Variants in DGCR2 observed in about 807,000 individuals in gnomAD.
DGCR2 encodes integral membrane protein DGCR2/IDD.
Under a neutral mutation model 51.6 loss-of-function variants are expected in DGCR2, and 24 were observed. The observed-to-expected ratio is 0.47, with a 90% CI of 0.34 to 0.65. The LOEUF is 0.65. DGCR2 is among the 30% of genes least tolerant of loss of function. The probability of loss-of-function intolerance (pLI) is 0.01; values close to 1 mark genes in which losing one functional copy is unlikely to be tolerated. For synonymous variants in DGCR2, 340 were observed against 315.4 expected (o/e 1.08, Z -0.82); for missense variants, 765 against 772.1 (o/e 0.99, Z 0.11).
Position 19,064,892 on chromosome 22 carries a change from T to C in DGCR2, c.504A>G (p.Glu168=). 6.2e-7 allele frequency: 1 copy of C among 1,613,946 alleles called. No homozygotes were observed. ...DQELRFVLAQ[E]WDQPERSFGW... is the part of the protein sequence containing the mutation. The stretch of plus-strand genomic sequence containing the variant: ...CAAAGCTCCGCTCGGGCTGGTCCCA[T>C]TCCTGGGCCAGGACAAAGCGCAGCT... The change falls in exon 4 of 10, where the codon GAA becomes GAG. Residue 168 remains glutamate (E), a synonymous_variant. Transcript: ENST00000263196.
At chr22:19,101,875 T>C (rs1375573734) in intron 1 of DGCR2, among the ~76,000 whole-genome samples, 1 of 151,446 alleles carries the variant, frequency 6.6e-6, no homozygotes, top group Non-Finnish European at 1.5e-5. Flanking sequence ...GCCAACATAG[T>C]GAAACTCCGT....
chr22:19,058,126 A>C (rs1200138924), intron 5 of DGCR2, among the ~76,000 whole-genome samples: 1 of 152,106 alleles, frequency 6.6e-6, no homozygotes, highest in Non-Finnish European at 1.5e-5. Context: ...CTCTGTTTAT[A>C]CCCAGCACGA....
chr22:19,037,850 A>C lies in DGCR2; in HGVS notation c.*1015T>G, dbSNP rs2082387816. ...GGAGGTGTGCATGCGGCCGCTGGGC[A>C]CTGAGCTGCAGTAGTGGCGGTGATG... On this transcript the variant is annotated 3_prime_UTR_variant, in exon 10 of 10. Coordinates refer to ENST00000263196, the MANE Select transcript of DGCR2 (RefSeq NM_005137.3). 1 of 152,630 alleles carries C rather than the reference A, an allele frequency of 6.6e-6. No homozygotes were observed. Among genetic ancestry groups the C allele is most frequent in the South Asian group, 2.1e-4 (1 of 4,830 alleles). 9.5% of individuals were successfully genotyped at this position (152,630 alleles called of 1,614,324 possible).
At chr22:19,064,797 T>A (rs1460048994) in intron 4 of DGCR2, 51 bp downstream of exon 4, 1 of 1,540,466 alleles carries the variant, frequency 6.5e-7, no homozygotes, top group East Asian at 2.3e-5. Flanking sequence ...ATGTGCTCAG[T>A]AGTCATCAGA....
chr22:19,095,677 AC>A (rs370239001), intron 1 of DGCR2, among the ~76,000 whole-genome samples: 2,148 of 150,854 alleles, frequency 0.014, 46 homozygotes, highest in African/African-American at 0.049. Context: ...AAAAAAAAAA[AC>A]AACTCAAATT....
At chr22:19,046,408 T>G (rs1601507098) in intron 7 of DGCR2, 1 of 153,170 alleles carries the variant, frequency 6.5e-6, no homozygotes, top group African/African-American at 2.4e-5. Flanking sequence ...TTAGTTCTAA[T>G]AACTTTCCTG....
intron 7 of DGCR2, among the ~76,000 whole-genome samples, chr22:19,042,478 A>T (rs756560931): frequency 6.6e-6 from 1 of 152,230 alleles, no homozygotes; most frequent in Non-Finnish European, 1.5e-5. Context: ...GCGGTGAGGG[A>T]CAGCCCTTTC....
intron 2 of DGCR2, among the ~76,000 whole-genome samples, chr22:19,087,711 G>A (rs150373928): frequency 4.5e-4 from 65 of 145,652 alleles, no homozygotes; most frequent in African/African-American, 1.6e-3. Context: ...TTGAGACAGA[G>A]TCTTGTTCTG....
At chr22:19,118,781 T>C (rs1291836169) in intron 1 of DGCR2, among the ~76,000 whole-genome samples, 2 of 152,238 alleles carry the variant, frequency 1.3e-5, no homozygotes, top group Non-Finnish European at 2.9e-5. Flanking sequence ...TGGCTCATGA[T>C]ATAATTTTGT....
Position 19,039,074 on chromosome 22 carries a change from C to A in DGCR2, c.1444G>T (p.Asp482Tyr). 6.2e-7 allele frequency: 1 copy of A among 1,613,280 alleles called. No homozygotes were observed. The highest frequency in any genetic ancestry group is 8.5e-7 in the Non-Finnish European group (1 of 1,180,012). The change falls in exon 10 of 10, where the codon GAT becomes TAT. Residue 482 changes from aspartate to tyrosine, a missense_variant. Asp to Tyr is a radical substitution (Grantham distance 160). This residue lies in a region of DGCR2 where 205 missense variants were observed against 181.4 expected (regional missense o/e 1.13). Transcript: ENST00000263196. ...AGTAATGCACCTTCACTCCCACCAT[C>A]CCCAGGGGCTGGCAGGCTGACCTCC... ...PVEVSLPAPG[D>Y]GGSEGALLRR...
At chr22:19,039,484 TG>T (rs1301786496) in intron 9 of DGCR2, among the ~76,000 whole-genome samples, 1 of 151,962 alleles carries the variant, frequency 6.6e-6, no homozygotes, top group Non-Finnish European at 1.5e-5. Flanking sequence ...CTCAGTAAGG[TG>T]AAGACCCGGC....
chr22:19,088,825 G>T (rs1351215819), intron 2 of DGCR2, among the ~76,000 whole-genome samples: 1 of 152,218 alleles, frequency 6.6e-6, no homozygotes, highest in Non-Finnish European at 1.5e-5. Context: ...TGCTGAGGCA[G>T]AAACCAGGTG....
At chr22:19,064,178 T>C (rs1415112028) in intron 4 of DGCR2, among the ~76,000 whole-genome samples, 2 of 152,218 alleles carry the variant, frequency 1.3e-5, no homozygotes, top group Non-Finnish European at 2.9e-5. Context: ...AGCCCAGGGA[T>C]GGCACACTCT....
chr22:19,107,529 C>A (rs2083271869), intron 1 of DGCR2, among the ~76,000 whole-genome samples: 1 of 152,234 alleles, frequency 6.6e-6, no homozygotes, highest in Non-Finnish European at 1.5e-5. Context: ...AGCTGCTCTG[C>A]CCTGTGGCTT....
At chr22:19,101,404 T>G (rs1052262015) in intron 1 of DGCR2, among the ~76,000 whole-genome samples, 1 of 152,128 alleles carries the variant, frequency 6.6e-6, no homozygotes, top group Non-Finnish European at 1.5e-5. Context: ...AGGCATGTAG[T>G]ACCCCATGGG....
intron 5 of DGCR2, chr22:19,060,770 G>A (rs776250128): frequency 1.9e-5 from 8 of 422,774 alleles, no homozygotes; most frequent in Admixed American, 2.8e-5. Flanking sequence ...TGTCAAACCT[G>A]CAGGGTCTTG....
chr22:19,074,654 AG>A (rs1241587479), intron 2 of DGCR2, among the ~76,000 whole-genome samples: 1 of 152,202 alleles, frequency 6.6e-6, no homozygotes, highest in Non-Finnish European at 1.5e-5. Flanking sequence ...TGAAAATTAG[AG>A]GGGTTCATAG....
At chr22:19,048,966 C>T (rs2074004) in intron 6 of DGCR2, among the ~76,000 whole-genome samples, 75,154 of 152,062 alleles carry the variant, frequency 0.49, 19,692 homozygotes, top group African/African-American at 0.68. Context: ...AGAGTCTTCC[C>T]AGGGCTGGAA....
intron 6 of DGCR2, among the ~76,000 whole-genome samples, chr22:19,049,400 C>T (rs1601511939): frequency 6.6e-6 from 1 of 152,042 alleles, no homozygotes; most frequent in South Asian, 2.1e-4. Context: ...ATGAAGGAGC[C>T]TCCAAGAGAG....
Sources: gnomAD v4.1 joint callset for allele counts (sites outside exome capture counted in the v4.1 genomes callset) on GRCh38, gnomAD v4.1.1 for gene constraint, gnomAD v4.1.1 regional missense constraint, MANE v1.5 for transcripts, NCBI Gene and HGNC (gene_info 2026-07-23, HGNC 2026-07-21) for gene names.